The following BDKRB2 variants were observed in gnomAD, a reference collection of about 807,000 sequenced individuals.
BDKRB2 encodes B2 bradykinin receptor.
BDKRB2 carries 6 observed loss-of-function variants against 4.0 expected under a neutral mutation model. That is an observed-to-expected ratio of 1.49 (90% CI 0.81 to 2.93). The LOEUF (loss-of-function observed/expected upper bound fraction) is 2.93, where lower values mean the gene tolerates loss of function less well. Ranked by LOEUF, BDKRB2 falls within the 30% of genes most tolerant of loss-of-function variation. The probability of loss-of-function intolerance (pLI) is 0.00; values close to 1 mark genes in which losing one functional copy is unlikely to be tolerated. For missense variants in BDKRB2, 478 were observed against 520.1 expected, an observed-to-expected ratio of 0.92 and a Z score of 0.79; for synonymous variants, 225 against 215.3, an observed-to-expected ratio of 1.05 and a Z score of -0.40.
At position 96,218,447 on chromosome 14, in the gene BDKRB2, C is replaced by T. The variant is rs190694398; in HGVS notation, c.-40+13488C>T. 5.5e-4 allele frequency among the ~76,000 whole-genome samples: 84 copies of T among 152,194 alleles called. No homozygotes were observed. The Middle Eastern group carries it at 0.014, about 25-fold the overall frequency. ...TTCACCTAAACCTCCATAAGCCCCT[C>T]GCTGGAATTTGAGCCTGTTTTGCTT... On this transcript the variant is annotated intron_variant, in intron 1 of 2. Transcript: ENST00000554311.
At chr14:96,238,087 G>A (rs1471097044) in intron 2 of BDKRB2, 1 of 1,059,808 alleles carries the variant, frequency 9.4e-7, no homozygotes. Flanking sequence ...GTTTTCATGG[G>A]TCAAGAATTC....
At chr14:96,216,753 A>AGGAGGAGGAGGAG (rs1471197641) in intron 1 of BDKRB2, among the ~76,000 whole-genome samples, 1 of 34,706 alleles carries the variant, frequency 2.9e-5, no homozygotes, top group East Asian at 4.9e-4. Context: ...AGGAGGAAGG[A>AGGAGGAGGAGGAG]GGAGGAGGAG....
intron 1 of BDKRB2, chr14:96,223,393 T>C (rs1231856517): frequency 1.3e-6 from 1 of 767,714 alleles, no homozygotes; most frequent in African/African-American, 1.7e-5. Flanking sequence ...CAGCTGTCCT[T>C]ACTTCCTAAC....
intron 1 of BDKRB2, among the ~76,000 whole-genome samples, chr14:96,216,747 GGAA>G (rs1407279727): frequency 1.9e-5 from 2 of 103,756 alleles, no homozygotes; most frequent in African/African-American, 8.2e-5. Flanking sequence ...AGGAGGAGGA[GGAA>G]GGAGGAGGAG....
At position 96,231,327 on chromosome 14, in the gene BDKRB2, T is replaced by A. The variant is rs538553920; in HGVS notation, c.-39-5742T>A. 6.6e-5 allele frequency among the ~76,000 whole-genome samples: 10 copies of A among 152,352 alleles called. No individual in the cohort carries two copies. The South Asian group carries it at 1.4e-3, about 22-fold the overall frequency. ...TCAAATCTTCTGACTCAATTCTCTT[T>A]GGGAGTTCTGAGAATGGAGGTCACT... On this transcript the variant is annotated intron_variant, in intron 1 of 2. Transcript: ENST00000554311.
chr14:96,232,650 G>T (rs1667370991), intron 1 of BDKRB2, among the ~76,000 whole-genome samples: 1 of 152,178 alleles, frequency 6.6e-6, no homozygotes, highest in South Asian at 2.1e-4. Flanking sequence ...GACCAGCCAA[G>T]GCTCTGAACC....
At chr14:96,239,785 A>G in intron 2 of BDKRB2, 1 of 984,620 alleles carries the variant, frequency 1.0e-6, no homozygotes, top group Non-Finnish European at 1.2e-6. Context: ...ACCCAGTAGG[A>G]CTATCTGGCT....
chr14:96,237,665 T>C (rs1201894723), intron 2 of BDKRB2: 1 of 1,284,094 alleles, frequency 7.8e-7, no homozygotes, highest in Non-Finnish European at 1.0e-6. Flanking sequence ...GGACAGCATT[T>C]GCAAGAAACA....
intron 1 of BDKRB2, among the ~76,000 whole-genome samples, chr14:96,216,715 A>C (rs11629341): frequency 1.4e-5 from 1 of 72,476 alleles, no homozygotes; most frequent in African/African-American, 4.4e-5. Context: ...AGGAGGAGGA[A>C]GAGGAAGGAG....
intron 1 of BDKRB2, among the ~76,000 whole-genome samples, chr14:96,226,195 G>A (rs1890692812): frequency 6.6e-6 from 1 of 152,198 alleles, no homozygotes; most frequent in South Asian, 2.1e-4. Flanking sequence ...TGACCACCAT[G>A]CAAAGGCCAT....
At chr14:96,205,414 T>C (rs1302926054) in intron 1 of BDKRB2, among the ~76,000 whole-genome samples, 2 of 150,220 alleles carry the variant, frequency 1.3e-5, no homozygotes, top group East Asian at 2.0e-4. Context: ...TCTCTGAGCC[T>C]CAGTTTCTCT....
In BDKRB2 at chr14:96,223,355, G is replaced by A. The variant is rs575620016; in HGVS notation, c.-39-13714G>A. 2.1e-4 allele frequency: 200 copies of A among 968,048 alleles called. 1 individual carries two copies. Among genetic ancestry groups the A allele is most frequent in the Admixed American group, 4.1e-4 (24 of 58,374 alleles). 60.0% of individuals were successfully genotyped at this position (968,048 alleles called of 1,614,324 possible). A position where few individuals can be genotyped will look rare whatever the true frequency, so the allele number is the denominator to read the frequency against. ...AAGAAGCCAAAGAAATGAAGCTGGCGAGCTACTTTTCAGACTCAAGCTTTA... is the reference window on the plus strand; with the variant it reads ...AAGAAGCCAAAGAAATGAAGCTGGCAAGCTACTTTTCAGACTCAAGCTTTA... On this transcript the variant is annotated intron_variant, in intron 1 of 2. Transcript: ENST00000554311.
intron 2 of BDKRB2, chr14:96,239,235 T>C (rs1885198782): frequency 2.0e-6 from 2 of 981,202 alleles, no homozygotes; most frequent in Non-Finnish European, 2.4e-6. Flanking sequence ...CAGTGTGTCT[T>C]CGCATCCACT....
At position 96,235,872 on chromosome 14, in the gene BDKRB2, C is replaced by T. The variant is rs1890923210; in HGVS notation, c.-39-1197C>T. 5.3e-5 allele frequency among the ~76,000 whole-genome samples: 8 copies of T among 152,284 alleles called. No individual in the cohort carries two copies. In the South Asian group the frequency reaches 1.5e-3, roughly 28 times the overall value. Reference sequence around the variant, plus strand: ...TTGCACATGCATAGACCACAGCTTTCCACACCCTTCCTAGACAGGGGTCAC... The same window carrying T: ...TTGCACATGCATAGACCACAGCTTTTCACACCCTTCCTAGACAGGGGTCAC... On this transcript the variant is annotated intron_variant, in intron 1 of 2. Transcript: ENST00000554311.
At chr14:96,240,187 T>C (rs898963050) in intron 2 of BDKRB2, 39 of 1,285,632 alleles carry the variant, frequency 3.0e-5, no homozygotes, top group African/African-American at 2.0e-4. Flanking sequence ...ATGAAGAACA[T>C]GAGGCCCCCG....
At chr14:96,237,912 C>T (rs1890975746) in intron 2 of BDKRB2, 2 of 1,257,136 alleles carry the variant, frequency 1.6e-6, no homozygotes, top group Non-Finnish European at 2.1e-6. Flanking sequence ...TGGTGCTATA[C>T]TTTGGTCTCT....
At position 96,213,488 on chromosome 14, in the gene BDKRB2, C is replaced by T. The variant is rs546567595; in HGVS notation, c.-40+8529C>T. Among the ~76,000 whole-genome samples the T allele has an allele frequency of 2.1e-3, 251 of 118,190 alleles. 1 individual carries two copies. Among genetic ancestry groups the T allele is most frequent in the African/African-American group, 6.4e-3 (195 of 30,286 alleles). 77.5% of individuals were successfully genotyped at this position (118,190 alleles called of 152,430 possible). On this transcript the variant is annotated intron_variant, in intron 1 of 2. Transcript: ENST00000554311. ...CTTCTTCCTGGGCCTCTGTCTGGAC[C>T]GACCCAAACACACACACACACACAC...
chr14:96,222,647 G>A (rs547495652), intron 1 of BDKRB2, among the ~76,000 whole-genome samples: 2 of 152,212 alleles, frequency 1.3e-5, no homozygotes, highest in East Asian at 3.9e-4. Flanking sequence ...CTCCAGAGCT[G>A]CACACTCTCC....
chr14:96,239,522 G>A (rs750458561), intron 2 of BDKRB2: 15 of 985,250 alleles, frequency 1.5e-5, no homozygotes, highest in African/African-American at 3.5e-5. Context: ...TTAAAGATGA[G>A]GTCACCAACA....
Sources: gnomAD v4.1 joint callset for allele counts (sites outside exome capture counted in the v4.1 genomes callset) on GRCh38, gnomAD v4.1.1 for gene constraint, MANE v1.5 for transcripts, NCBI Gene and HGNC (gene_info 2026-07-23, HGNC 2026-07-21) for gene names.